The following EYS variants were observed in gnomAD, a reference collection of about 807,000 sequenced individuals.
EYS encodes the protein protein eyes shut homolog.
Under a neutral mutation model 282.1 loss-of-function variants are expected in EYS, and 250 were observed. The observed-to-expected ratio is 0.89, with a 90% CI of 0.80 to 0.98. The LOEUF (loss-of-function observed/expected upper bound fraction) is 0.98, where lower values mean the gene tolerates loss of function less well. EYS is among the 50% of genes least tolerant of loss of function. The probability of loss-of-function intolerance (pLI) is 0.00; values close to 1 mark genes in which losing one functional copy is unlikely to be tolerated. For synonymous variants in EYS, 1,355 were observed against 1,282.9 expected (o/e 1.06, Z -1.20); for missense variants, 4,016 against 3,709.0 (o/e 1.08, Z -2.15).
intron 36 of EYS, among the ~76,000 whole-genome samples, chr6:63,842,537 T>C (rs1771988713): frequency 6.6e-6 from 1 of 152,204 alleles, no homozygotes; most frequent in Non-Finnish European, 1.5e-5. Flanking sequence ...GTTGTAAAAA[T>C]TTTCTCCCAT....
chr6:63,728,418 A>G (rs1768695853), intron 41 of EYS, among the ~76,000 whole-genome samples: 1 of 151,696 alleles, frequency 6.6e-6, no homozygotes, highest in African/African-American at 2.4e-5. Flanking sequence ...TTAAAAGTAC[A>G]CTTTATTTTT....
chr6:64,470,927 G>T (rs146980265), intron 26 of EYS, among the ~76,000 whole-genome samples: 70 of 152,242 alleles, frequency 4.6e-4, no homozygotes, highest in African/African-American at 1.6e-3. Context: ...CAAAATTATA[G>T]CTTAAAACTT....
chr6:64,131,702 C>A (rs905478645), intron 31 of EYS, among the ~76,000 whole-genome samples: 1 of 152,082 alleles, frequency 6.6e-6, no homozygotes, highest in Non-Finnish European at 1.5e-5. Flanking sequence ...AAGAAGTAGT[C>A]GCTTACATTC....
At chr6:63,922,845 C>CA (rs1764610848) in intron 35 of EYS, among the ~76,000 whole-genome samples, 1 of 152,040 alleles carries the variant, frequency 6.6e-6, no homozygotes, top group African/African-American at 2.4e-5. Context: ...ATATCTAATC[C>CA]AAAAAGCAGG....
chr6:64,779,659 A>G (rs987755189), intron 22 of EYS, among the ~76,000 whole-genome samples: 5 of 152,292 alleles, frequency 3.3e-5, no homozygotes, highest in South Asian at 2.1e-4. Context: ...TAATGTACCA[A>G]AATTAGCTTA....
At chr6:64,656,723 G>A (rs533909277) in intron 22 of EYS, among the ~76,000 whole-genome samples, 6 of 152,276 alleles carry the variant, frequency 3.9e-5, no homozygotes, top group African/African-American at 1.4e-4. Context: ...ATTGTTGGGG[G>A]CTGCATCCTG....
intron 19 of EYS, among the ~76,000 whole-genome samples, chr6:64,873,246 A>G (rs986040662): frequency 6.6e-6 from 1 of 151,992 alleles, no homozygotes; most frequent in Non-Finnish European, 1.5e-5. Flanking sequence ...CATTTTTAAA[A>G]CCATCAGATC....
chr6:65,105,221 T>A (rs887307252), intron 12 of EYS, among the ~76,000 whole-genome samples: 2 of 151,758 alleles, frequency 1.3e-5, no homozygotes, highest in Non-Finnish European at 3.0e-5. Flanking sequence ...CAAACAATTT[T>A]AATAACCATG....
intron 12 of EYS, among the ~76,000 whole-genome samples, chr6:65,135,722 G>A (rs1261034061): frequency 6.6e-6 from 1 of 151,676 alleles, no homozygotes; most frequent in Non-Finnish European, 1.5e-5. Context: ...GGCACTAACT[G>A]TTATTTGTGA....
chr6:63,833,748 C>T (rs1278287049), intron 36 of EYS, among the ~76,000 whole-genome samples: 2 of 152,160 alleles, frequency 1.3e-5, no homozygotes, highest in African/African-American at 2.4e-5. Flanking sequence ...GCCCACATTG[C>T]CAAGACAATC....
intron 23 of EYS, among the ~76,000 whole-genome samples, chr6:64,622,048 C>G (rs1767461924): frequency 6.6e-6 from 1 of 152,088 alleles, no homozygotes; most frequent in Middle Eastern, 3.2e-3. Context: ...GAAATGAGCT[C>G]AAAAACCCAT....
chr6:64,866,455 C>T (rs1766427993), intron 19 of EYS, among the ~76,000 whole-genome samples: 1 of 151,810 alleles, frequency 6.6e-6, no homozygotes, highest in Non-Finnish European at 1.5e-5. Context: ...TTTAAATTTG[C>T]CAATATAGGT....
At chr6:64,275,158 CTG>C (rs1397137572) in intron 30 of EYS, among the ~76,000 whole-genome samples, 1 of 152,182 alleles carries the variant, frequency 6.6e-6, no homozygotes, top group African/African-American at 2.4e-5. Flanking sequence ...GCAGAAATAT[CTG>C]TAAACAGGAA....
In EYS at chr6:64,297,919, A is replaced by G. The variant is rs1582557038; in HGVS notation, c.6191+9051T>C. On this transcript the variant is annotated intron_variant, in intron 30 of 42. Coordinates refer to ENST00000503581, the MANE Select transcript of EYS (RefSeq NM_001142800.2). ...CTTGAACCCAGGAGGCAGAGGTTGCAGTGAGCCAAGATAGTGCCACTGCAC... is the reference window on the plus strand; with the variant it reads ...CTTGAACCCAGGAGGCAGAGGTTGCGGTGAGCCAAGATAGTGCCACTGCAC... 2.0e-5 allele frequency among the ~76,000 whole-genome samples: 3 copies of G among 150,354 alleles called. No individual in the cohort carries two copies. In the East Asian group the frequency reaches 6.0e-4, roughly 30 times the overall value.
intron 1 of EYS, among the ~76,000 whole-genome samples, chr6:65,649,591 T>C (rs1767580731): frequency 6.6e-6 from 1 of 152,242 alleles, no homozygotes; most frequent in African/African-American, 2.4e-5. Flanking sequence ...GAAATGCTGA[T>C]ACATGCAAAA....
intron 35 of EYS, among the ~76,000 whole-genome samples, chr6:63,959,673 T>C (rs1181621927): frequency 6.6e-6 from 1 of 152,208 alleles, no homozygotes; most frequent in Non-Finnish European, 1.5e-5. Context: ...CATGGAATAC[T>C]ATGCAGCCAT....
At chr6:64,889,427 G>GT (rs1310700140) in intron 18 of EYS, among the ~76,000 whole-genome samples, 2 of 151,710 alleles carry the variant, frequency 1.3e-5, no homozygotes, top group African/African-American at 2.4e-5. Context: ...CATAATTCTT[G>GT]TTTTTTCAAT....
At chr6:65,033,339 A>G (rs561838849) in intron 13 of EYS, among the ~76,000 whole-genome samples, 5 of 152,316 alleles carry the variant, frequency 3.3e-5, no homozygotes, top group African/African-American at 1.2e-4. Flanking sequence ...TGTTTGCATA[A>G]CAAAAAGGAG....
At chr6:63,917,084 T>C (rs1251816552) in intron 35 of EYS, among the ~76,000 whole-genome samples, 3 of 152,222 alleles carry the variant, frequency 2.0e-5, no homozygotes, top group African/African-American at 7.2e-5. Flanking sequence ...TTCAAAGATA[T>C]TTGTGTTATG....
Sources: allele counts gnomAD v4.1 joint callset (sites outside exome capture counted in the v4.1 genomes callset), GRCh38; gene constraint gnomAD v4.1.1; transcripts MANE v1.5; gene names NCBI Gene and HGNC (gene_info 2026-07-23, HGNC 2026-07-21).